The following ZFPM2 variants were observed in gnomAD, a reference collection of about 807,000 sequenced individuals.
The protein encoded by ZFPM2 is zinc finger protein ZFPM2.
ZFPM2 carries 20 observed loss-of-function variants against 98.6 expected under a neutral mutation model. That is an observed-to-expected ratio of 0.20 (90% confidence interval 0.14 to 0.29). ZFPM2 has a LOEUF of 0.29. ZFPM2 is among the 10% of genes least tolerant of loss of function. ZFPM2 has a pLI of 1.00. For missense variants in ZFPM2, 1,310 were observed against 1,388.6 expected (o/e 0.94, Z 0.90); for synonymous variants, 518 against 502.7 (o/e 1.03, Z -0.41).
chr8:105,387,329 C>G (rs1469937819), intron 1 of ZFPM2: 2 of 161,652 alleles, frequency 1.2e-5, no homozygotes, highest in African/African-American at 4.8e-5. Flanking sequence ...GCTGTGCGCC[C>G]GCACTCCTCA....
chr8:105,688,151 A>G (rs995779834), intron 5 of ZFPM2, among the ~76,000 whole-genome samples: 1 of 152,118 alleles, frequency 6.6e-6, no homozygotes, highest in African/African-American at 2.4e-5. Flanking sequence ...AAAATTATAG[A>G]AAATTAAGTT....
intron 5 of ZFPM2, among the ~76,000 whole-genome samples, chr8:105,660,334 T>C (rs1368197950): frequency 3.9e-5 from 6 of 152,166 alleles, no homozygotes; most frequent in African/African-American, 1.2e-4. Context: ...CTGCATTTCC[T>C]TTCTAAGCAT....
At chr8:105,534,075 CCTCCCAT>C (rs1436079528) in intron 3 of ZFPM2, among the ~76,000 whole-genome samples, 2 of 47,446 alleles carry the variant, frequency 4.2e-5, no homozygotes, top group African/African-American at 1.1e-4. Context: ...TTCCTTCCTC[CCTCCCAT>C]CTTCCTCCCT....
At chr8:105,652,771 T>A (rs1374714576) in intron 5 of ZFPM2, among the ~76,000 whole-genome samples, 1 of 152,236 alleles carries the variant, frequency 6.6e-6, no homozygotes, top group Non-Finnish European at 1.5e-5. Flanking sequence ...GATTCCATAA[T>A]TCATTTTCTC....
intron 4 of ZFPM2, among the ~76,000 whole-genome samples, chr8:105,602,225 G>A (rs1366404311): frequency 2.0e-5 from 3 of 151,966 alleles, no homozygotes; most frequent in Admixed American, 6.6e-5. Context: ...TAAAGATATC[G>A]GAAGACACTT....
At chr8:105,349,328 T>G (rs1812599413) in intron 1 of ZFPM2, among the ~76,000 whole-genome samples, 1 of 152,222 alleles carries the variant, frequency 6.6e-6, no homozygotes, top group South Asian at 2.1e-4. Context: ...TTCAGCCGCC[T>G]AATTCCCATT....
intron 4 of ZFPM2, among the ~76,000 whole-genome samples, chr8:105,594,617 G>A (rs1321617534): frequency 6.6e-6 from 1 of 151,994 alleles, no homozygotes; most frequent in East Asian, 1.9e-4. Context: ...TAACACATGA[G>A]AAAACTGAGG....
chr8:105,694,629 G>A (rs1810974107), intron 5 of ZFPM2, among the ~76,000 whole-genome samples: 2 of 152,070 alleles, frequency 1.3e-5, no homozygotes, highest in Non-Finnish European at 2.9e-5. Context: ...TTGTTTATTT[G>A]ATGAATTGGA....
chr8:105,587,042 C>T (rs1351097850), intron 4 of ZFPM2, among the ~76,000 whole-genome samples: 3 of 151,128 alleles, frequency 2.0e-5, no homozygotes, highest in South Asian at 2.1e-4. Context: ...TTTGGGAGGC[C>T]GAGGCTGGTG....
intron 1 of ZFPM2, among the ~76,000 whole-genome samples, chr8:105,393,515 C>T (rs1239773566): frequency 3.3e-5 from 5 of 152,052 alleles, no homozygotes; most frequent in Non-Finnish European, 7.4e-5. Flanking sequence ...TACACAACCA[C>T]GGATAAACTC....
chr8:105,583,923 G>C (rs1454213502), intron 4 of ZFPM2, among the ~76,000 whole-genome samples: 1 of 152,130 alleles, frequency 6.6e-6, no homozygotes, highest in Non-Finnish European at 1.5e-5. Flanking sequence ...GTAGTCATAA[G>C]ACCTGTAAGA....
intron 3 of ZFPM2, among the ~76,000 whole-genome samples, chr8:105,542,292 T>A (rs1814592314): frequency 6.6e-6 from 1 of 152,200 alleles, no homozygotes; most frequent in Non-Finnish European, 1.5e-5. Flanking sequence ...TTTCTCCCCT[T>A]TGAATTGTAT....
At chr8:105,765,948 G>T (rs2131081157) in intron 5 of ZFPM2, among the ~76,000 whole-genome samples, 1 of 151,976 alleles carries the variant, frequency 6.6e-6, no homozygotes, top group Middle Eastern at 3.4e-3. Flanking sequence ...GCCTCATGTA[G>T]TTTACTCAAC....
In ZFPM2 at chr8:105,803,051, G is replaced by C. The variant is rs201707218; in HGVS notation, c.2969G>C (p.Ser990Thr). 1.9e-6 allele frequency: 3 copies of C among 1,613,676 alleles called. No individual in the cohort carries two copies. Among genetic ancestry groups the C allele is most frequent in the South Asian group, 1.1e-5 (1 of 91,056 alleles). ...TCTCCATATTATGGAATCAAGCCAA[G>C]TGATTATATTTCTGGTTCTCTTGTC... ...QLSPYYGIKPSDYISGSLVIH... is the reference protein window; with the variant it reads ...QLSPYYGIKPTDYISGSLVIH... Residue 990 changes from serine to threonine, a missense_variant, in exon 8 of 8, where the codon AGT (serine) becomes ACT (threonine). By Grantham distance (58) the Ser-to-Thr change is moderately conservative (BLOSUM62 1). Coordinates refer to ENST00000407775, the MANE Select transcript of ZFPM2 (RefSeq NM_012082.4).
At chr8:105,372,916 G>A (rs150745583) in intron 1 of ZFPM2, among the ~76,000 whole-genome samples, 1 of 152,128 alleles carries the variant, frequency 6.6e-6, no homozygotes, top group Non-Finnish European at 1.5e-5. Context: ...ATGAAAAAAA[G>A]ACTTCAGAAA....
intron 3 of ZFPM2, among the ~76,000 whole-genome samples, chr8:105,498,081 C>A (rs1409126207): frequency 6.7e-6 from 1 of 149,690 alleles, no homozygotes; most frequent in Non-Finnish European, 1.5e-5. Context: ...GCTTGTGGTA[C>A]CAGTTACTTG....
At chr8:105,410,066 T>C (rs562666424) in intron 1 of ZFPM2, among the ~76,000 whole-genome samples, 1 of 152,030 alleles carries the variant, frequency 6.6e-6, no homozygotes, top group Non-Finnish European at 1.5e-5. Context: ...TCAGAATGGG[T>C]ATTCTAAAAT....
At chr8:105,714,330 T>C (rs1300216371) in intron 5 of ZFPM2, among the ~76,000 whole-genome samples, 1 of 152,086 alleles carries the variant, frequency 6.6e-6, no homozygotes, top group Non-Finnish European at 1.5e-5. Context: ...CCTGAAACTT[T>C]ACTGAAGTCT....
At position 105,497,177 on chromosome 8, in the gene ZFPM2, G is replaced by A. The variant is rs62527190; in HGVS notation, c.301+52796G>A. On this transcript the variant is annotated intron_variant, in intron 3 of 7. Coordinates refer to ENST00000407775, the MANE Select transcript of ZFPM2 (RefSeq NM_012082.4). ...ATTTTTTGTATTTTTAGTAGAGAGCGGGTTTCACCGTGTTAGCCAGGATGG... is the reference window on the plus strand; with the variant it reads ...ATTTTTTGTATTTTTAGTAGAGAGCAGGTTTCACCGTGTTAGCCAGGATGG... Among the ~76,000 whole-genome samples, 316 of 151,676 alleles carry A rather than the reference G, an allele frequency of 2.1e-3. 3 individuals are homozygous for A. The highest frequency in any genetic ancestry group is 3.1e-3 in the Non-Finnish European group (208 of 67,892).
Sources: allele counts gnomAD v4.1 joint callset (sites outside exome capture counted in the v4.1 genomes callset), GRCh38; gene constraint gnomAD v4.1.1; transcripts MANE v1.5; gene names NCBI Gene and HGNC (gene_info 2026-07-23, HGNC 2026-07-21).